Variants in AKAP7 observed in about 807,000 individuals in gnomAD.
AKAP7 encodes A kinase (PRKA) anchor protein 7.
A neutral mutation model predicts 39.5 loss-of-function variants in AKAP7; 39 were observed. The ratio of observed to expected loss-of-function variants is 0.99; its 90% confidence interval spans 0.76 to 1.29. AKAP7 has a LOEUF of 1.29. AKAP7 is among the 50% of genes most tolerant of loss of function. The pLI, the probability that AKAP7 is intolerant of heterozygous loss-of-function variation, is 0.00. For missense variants in AKAP7, 414 were observed against 407.7 expected (o/e 1.02, Z -0.13); for synonymous variants, 140 against 139.1 (o/e 1.01, Z -0.05).
the AKAP7 span, among the ~76,000 whole-genome samples, chr6:131,126,271 T>C: frequency 2.1e-3 from 313 of 152,346 alleles, no homozygotes; most frequent in African/African-American, 6.3e-3. Context: ...TTTTTTCTTT[T>C]TCCTTTTATT....
At chr6:131,154,468 GTTTTTT>G (rs58715551) in intron 2 of AKAP7, among the ~76,000 whole-genome samples, 1 of 112,542 alleles carries the variant, frequency 8.9e-6, no homozygotes, top group Non-Finnish European at 1.8e-5. Flanking sequence ...CCCTGTCCCT[GTTTTTT>G]TTTTTTTTTT....
chr6:131,282,071 T>C lies in AKAP7; in HGVS notation c.*345T>C. Reference sequence around the variant, plus strand: ...GCCATCAATGGAATACTGCCATTTATATTGCTTAGCAGGGCATTTGACTAC... The same window carrying C: ...GCCATCAATGGAATACTGCCATTTACATTGCTTAGCAGGGCATTTGACTAC... On this transcript the variant is annotated 3_prime_UTR_variant, in exon 8 of 8. Coordinates refer to ENST00000431975, the MANE Select transcript of AKAP7 (RefSeq NM_016377.4). The C allele has an allele frequency of 8.8e-7, 1 of 1,136,126 alleles. No individual in the cohort carries two copies. Among genetic ancestry groups the C allele is most frequent in the Non-Finnish European group, 1.1e-6 (1 of 928,116 alleles). The allele number at this position is 1,136,126 out of a possible 1,614,324, so 70.4% of individuals were successfully genotyped here.
chr6:131,185,076 T>A, intron 5 of AKAP7: 1 of 695,796 alleles, frequency 1.4e-6, no homozygotes, highest in Middle Eastern at 2.5e-4. Context: ...GCTGTCATCA[T>A]CAACTCGGGG....
intron 7 of AKAP7, among the ~76,000 whole-genome samples, chr6:131,272,841 G>T (rs538957682): frequency 1.3e-5 from 2 of 151,648 alleles, no homozygotes; most frequent in Admixed American, 1.3e-4. Flanking sequence ...GGAGGGTTCT[G>T]TAATTTTCAG....
At chr6:131,240,107 G>A (rs866464211) in intron 7 of AKAP7, among the ~76,000 whole-genome samples, 20 of 152,298 alleles carry the variant, frequency 1.3e-4, no homozygotes, top group Middle Eastern at 3.4e-3. Context: ...CTTTCTGTTT[G>A]TTAGTTTTCC....
At chr6:131,222,475 C>T (rs1302046078) in intron 7 of AKAP7, among the ~76,000 whole-genome samples, 2 of 150,822 alleles carry the variant, frequency 1.3e-5, no homozygotes, top group East Asian at 2.0e-4. Flanking sequence ...TGCAGTGAGC[C>T]GAGATCACAC....
chr6:131,192,150 A>G (rs1343615453), intron 5 of AKAP7, among the ~76,000 whole-genome samples: 13 of 152,284 alleles, frequency 8.5e-5, no homozygotes, highest in African/African-American at 3.1e-4. Flanking sequence ...GATATAACTC[A>G]AGAAATCTTT....
At chr6:131,210,987 A>G (rs140737744) in intron 6 of AKAP7, among the ~76,000 whole-genome samples, 40 of 152,332 alleles carry the variant, frequency 2.6e-4, no homozygotes, top group African/African-American at 6.7e-4. Context: ...TCACTTGGGA[A>G]TAAGCTGAAT....
intron 7 of AKAP7, among the ~76,000 whole-genome samples, chr6:131,270,699 G>T (rs1374046807): frequency 2.6e-5 from 4 of 152,134 alleles, no homozygotes; most frequent in Non-Finnish European, 5.9e-5. Flanking sequence ...CCAGCAATAG[G>T]AGTTCCAGTT....
intron 5 of AKAP7, among the ~76,000 whole-genome samples, chr6:131,189,749 A>T (rs1027202582): frequency 6.6e-6 from 1 of 152,216 alleles, no homozygotes; most frequent in Non-Finnish European, 1.5e-5. Flanking sequence ...GTATTCTTTT[A>T]TATAGCAAAG....
intron 7 of AKAP7, among the ~76,000 whole-genome samples, chr6:131,245,786 C>T (rs931585845): frequency 2.0e-5 from 3 of 152,070 alleles, no homozygotes; most frequent in Non-Finnish European, 1.5e-5. Context: ...TCTCCTAAGG[C>T]TTGGTTCCAA....
intron 7 of AKAP7, among the ~76,000 whole-genome samples, chr6:131,240,458 G>A (rs904944066): frequency 4.6e-5 from 7 of 152,230 alleles, no homozygotes; most frequent in Non-Finnish European, 1.0e-4. Context: ...ATTTAAGTCT[G>A]CAGAGGTTTC....
At chr6:131,131,478 T>G (rs1309973034), upstream of AKAP7, among the ~76,000 whole-genome samples, 1 of 151,840 alleles carries the variant, frequency 6.6e-6, no homozygotes, top group East Asian at 1.9e-4. Flanking sequence ...TTTTTTTTTT[T>G]TTTTTTGAAA....
At chr6:131,251,209 C>G (rs1331080647) in intron 7 of AKAP7, among the ~76,000 whole-genome samples, 2 of 152,174 alleles carry the variant, frequency 1.3e-5, no homozygotes, top group African/African-American at 4.8e-5. Context: ...TCCACAGCGG[C>G]TTGTGCCTAG....
intron 1 of AKAP7, among the ~76,000 whole-genome samples, chr6:131,142,867 T>G (rs1367886135): frequency 6.6e-6 from 1 of 152,236 alleles, no homozygotes; most frequent in African/African-American, 2.4e-5. Context: ...TGGGAGCCCA[T>G]GTCTTGCTCC....
intron 7 of AKAP7, among the ~76,000 whole-genome samples, chr6:131,240,233 A>C (rs181328661): frequency 1.2e-3 from 188 of 152,314 alleles, no homozygotes; most frequent in African/African-American, 4.4e-3. Context: ...ATATTGGTGA[A>C]CAGCAAATGT....
At chr6:131,253,247 T>C in intron 7 of AKAP7, 1 of 772,342 alleles carries the variant, frequency 1.3e-6, no homozygotes, top group South Asian at 2.2e-5. Context: ...CAAATGATGA[T>C]TTTTTTAAAT....
At chr6:131,253,710 G>A (rs1812632443) in intron 7 of AKAP7, among the ~76,000 whole-genome samples, 1 of 151,374 alleles carries the variant, frequency 6.6e-6, no homozygotes, top group Admixed American at 6.6e-5. Flanking sequence ...TCCAACATAG[G>A]AATGAGAACA....
intron 7 of AKAP7, among the ~76,000 whole-genome samples, chr6:131,229,681 C>T (rs1810478537): frequency 6.6e-6 from 1 of 152,186 alleles, no homozygotes; most frequent in South Asian, 2.1e-4. Flanking sequence ...TTATCTATCA[C>T]ATTCTCTGTG....
Sources: gnomAD v4.1 joint callset for allele counts (sites outside exome capture counted in the v4.1 genomes callset) on GRCh38, gnomAD v4.1.1 for gene constraint, MANE v1.5 for transcripts, NCBI Gene and HGNC (gene_info 2026-07-23, HGNC 2026-07-21) for gene names.